The following CCDC169 variants were observed in gnomAD, a reference collection of about 807,000 sequenced individuals.
The protein encoded by CCDC169 is coiled-coil domain-containing protein 169.
A neutral mutation model predicts 36.0 loss-of-function variants in CCDC169; 30 were observed. That is an observed-to-expected ratio of 0.83 (90% CI 0.62 to 1.13). CCDC169 has a LOEUF of 1.13. Among genes scored for constraint, CCDC169 ranks in the 50% most tolerant of loss-of-function variants. The pLI, the probability that CCDC169 is intolerant of heterozygous loss-of-function variation, is 0.00. For synonymous variants in CCDC169, 85 were observed against 81.5 expected (o/e 1.04, Z -0.23); for missense variants, 245 against 245.9 (o/e 1.00, Z 0.03).
chr13:36,232,211 A>C lies in CCDC169; in HGVS notation c.546-919T>G, dbSNP rs1273944681. Among the ~76,000 whole-genome samples, 4 of 152,112 alleles carry C rather than the reference A, an allele frequency of 2.6e-5. No individual in the cohort carries two copies. In the South Asian group the frequency reaches 6.2e-4, roughly 24 times the overall value. On this transcript the variant is annotated intron_variant, in intron 7 of 7. Transcript: ENST00000239859. ...CCAACAGCGCACAATTGCAGTGAAA[A>C]CTCAGTAGCCTGGTGGACACCATAA...
intron 4 of CCDC169, among the ~76,000 whole-genome samples, chr13:36,261,723 C>A (rs1464540486): frequency 6.6e-6 from 1 of 152,190 alleles, no homozygotes; most frequent in African/African-American, 2.4e-5. Context: ...AAAACCCACA[C>A]TACCACTAGA....
intron 4 of CCDC169, among the ~76,000 whole-genome samples, chr13:36,265,307 A>G (rs1875133202): frequency 6.6e-6 from 1 of 152,208 alleles, no homozygotes; most frequent in South Asian, 2.1e-4. Flanking sequence ...AAGATTGACA[A>G]CTTTCAAGAT....
intron 4 of CCDC169, chr13:36,280,632 T>C (rs1877391735): frequency 6.6e-6 from 1 of 152,244 alleles, no homozygotes; most frequent in Admixed American, 6.5e-5. Flanking sequence ...ACTTTGTTTG[T>C]TGGCTGACTT....
At chr13:36,224,554 T>G (rs1869763935), downstream of CCDC169, 2 of 151,790 alleles carry the variant, frequency 1.3e-5, no homozygotes, top group African/African-American at 4.8e-5. Context: ...CACAAAGACA[T>G]ACACAAAAAC....
At chr13:36,286,066 G>GT (rs1256406740) in intron 2 of CCDC169, among the ~76,000 whole-genome samples, 3 of 152,196 alleles carry the variant, frequency 2.0e-5, no homozygotes, top group Non-Finnish European at 4.4e-5. Context: ...GGTGAGTGCT[G>GT]TATGCTCCAG....
downstream of CCDC169, chr13:36,224,002 T>C (rs1374739071): frequency 6.6e-6 from 1 of 152,140 alleles, no homozygotes; most frequent in East Asian, 1.9e-4. Context: ...CTAATTCAGA[T>C]GAAGAAAAGG....
intron 6 of CCDC169, among the ~76,000 whole-genome samples, chr13:36,249,995 T>C (rs1007574720): frequency 1.3e-5 from 2 of 152,176 alleles, no homozygotes; most frequent in Non-Finnish European, 2.9e-5. Flanking sequence ...ATCTACTATA[T>C]GCTGCCACTA....
chr13:36,271,885 C>T (rs1371602179), intron 4 of CCDC169, among the ~76,000 whole-genome samples: 5 of 151,754 alleles, frequency 3.3e-5, no homozygotes, highest in Non-Finnish European at 5.9e-5. Flanking sequence ...GAGTTCGAGA[C>T]CAACCTGACC....
downstream of CCDC169, chr13:36,226,998 G>C (rs1352414749): frequency 2.4e-6 from 1 of 425,188 alleles, no homozygotes; most frequent in Non-Finnish European, 4.2e-6. Flanking sequence ...ATCTCTCACT[G>C]TAAAAAAGTA....
chr13:36,282,732 G>T, intron 4 of CCDC169: 1 of 165,480 alleles, frequency 6.0e-6, no homozygotes, highest in Non-Finnish European at 1.2e-5. Flanking sequence ...ATACATCAAG[G>T]AAAATAAATG....
rs1270649720 is a variant in CCDC169 at position 36,230,793 on chromosome 13, C to A, written c.*400G>T. On this transcript the variant is annotated 3_prime_UTR_variant, in exon 8 of 8. Transcript: ENST00000239859. ...TGATTTTCGGCTTTGTTTAAACCTGCAATTTAAAAAACTGAGCAAGATCCA... is the reference window on the plus strand; with the variant it reads ...TGATTTTCGGCTTTGTTTAAACCTGAAATTTAAAAAACTGAGCAAGATCCA... The A allele has an allele frequency of 6.1e-6, 6 of 987,414 alleles. No individual in the cohort carries two copies. Among genetic ancestry groups the A allele is most frequent in the Non-Finnish European group, 1.2e-6 (1 of 831,554 alleles). 61.2% of individuals were successfully genotyped at this position (987,414 alleles called of 1,614,324 possible).
chr13:36,286,500 C>A (rs1009847819), intron 2 of CCDC169, among the ~76,000 whole-genome samples: 23 of 151,932 alleles, frequency 1.5e-4, no homozygotes, highest in African/African-American at 3.9e-4. Flanking sequence ...CCATTTGAAA[C>A]TGAAATGAGG....
At chr13:36,233,777 T>A (rs559732932) in intron 7 of CCDC169, among the ~76,000 whole-genome samples, 1 of 152,288 alleles carries the variant, frequency 6.6e-6, no homozygotes, top group African/African-American at 2.4e-5. Flanking sequence ...TAACAAAGAA[T>A]AAAGTGAAGG....
Position 36,276,942 on chromosome 13 carries a change from C to T in CCDC169, c.315+6527G>A, listed in dbSNP as rs189472488. Among the ~76,000 whole-genome samples the T allele has an allele frequency of 2.2e-3, 338 of 152,200 alleles. 2 individuals carry two copies. The highest frequency in any genetic ancestry group is 7.7e-3 in the African/African-American group (320 of 41,516). On this transcript the variant is annotated intron_variant, in intron 4 of 7. Transcript: ENST00000239859. ...TGTCCAGGCCTTACTCCAGACCTACCAAATTTCTGGGGAAATCCTCAGAAC... is the reference window on the plus strand; with the variant it reads ...TGTCCAGGCCTTACTCCAGACCTACTAAATTTCTGGGGAAATCCTCAGAAC...
intron 1 of CCDC169, among the ~76,000 whole-genome samples, chr13:36,296,780 C>T (rs1447439302): frequency 6.6e-6 from 1 of 152,160 alleles, no homozygotes; most frequent in Non-Finnish European, 1.5e-5. Context: ...CATTTCATTC[C>T]AACCTGGGAA....
intron 2 of CCDC169, among the ~76,000 whole-genome samples, chr13:36,286,627 T>C (rs1281016673): frequency 6.6e-6 from 1 of 152,126 alleles, no homozygotes; most frequent in Non-Finnish European, 1.5e-5. Context: ...TCTCTCTCTC[T>C]TTCCCCTTTT....
chr13:36,259,532 A>G (rs1015231278), intron 4 of CCDC169, among the ~76,000 whole-genome samples: 1 of 152,238 alleles, frequency 6.6e-6, no homozygotes, highest in African/African-American at 2.4e-5. Flanking sequence ...ATTAACTAAA[A>G]GAACTTGATA....
chr13:36,297,627 G>T lies in CCDC169; in HGVS notation c.83+10C>A. 1.3e-6 allele frequency: 2 copies of T among 1,549,084 alleles called. No individual in the cohort carries two copies. The highest frequency in any genetic ancestry group is 1.4e-5 in the African/African-American group (1 of 73,072). On this transcript the variant is annotated intron_variant, in intron 1 of 7. Transcript: ENST00000239859. ...GACGGGACCCCACACCGCGCCGCCC[G>T]CCGACTCACTTCTTGCGGACTTCTT...
intron 4 of CCDC169, among the ~76,000 whole-genome samples, chr13:36,277,725 C>T (rs939201247): frequency 9.2e-5 from 14 of 151,888 alleles, no homozygotes; most frequent in Non-Finnish European, 1.3e-4. Flanking sequence ...CTGAGGCAGG[C>T]GGATCACCTG....
Sources: gnomAD v4.1 joint callset for allele counts (sites outside exome capture counted in the v4.1 genomes callset) on GRCh38, gnomAD v4.1.1 for gene constraint, MANE v1.5 for transcripts, NCBI Gene and HGNC (gene_info 2026-07-23, HGNC 2026-07-21) for gene names.